The following TMEM132D variants were observed in gnomAD, a reference collection of about 807,000 sequenced individuals.
TMEM132D encodes the protein mature OL transmembrane protein.
Under a neutral mutation model 62.3 loss-of-function variants are expected in TMEM132D, and 21 were observed. The observed-to-expected ratio is 0.34, with a 90% CI of 0.24 to 0.49. The LOEUF (loss-of-function observed/expected upper bound fraction) is 0.49, where lower values mean the gene tolerates loss of function less well. Ranked by LOEUF, TMEM132D falls within the 20% of genes least tolerant of loss-of-function variation. The pLI is 0.99. For synonymous variants in TMEM132D, 621 were observed against 575.6 expected, an observed-to-expected ratio of 1.08 and a Z score of -1.13; for missense variants, 1,346 against 1,402.8, an observed-to-expected ratio of 0.96 and a Z score of 0.65.
At chr12:129,638,417 C>T (rs1355736242) in intron 2 of TMEM132D, among the ~76,000 whole-genome samples, 1 of 151,146 alleles carries the variant, frequency 6.6e-6, no homozygotes, top group Non-Finnish European at 1.5e-5. Flanking sequence ...AGTAATAAGC[C>T]ACAAATGGCA....
chr12:129,078,854 G>A (rs1016380878), intron 7 of TMEM132D, 129 bp from the exon 8 acceptor site: 57 of 877,996 alleles, frequency 6.5e-5, no homozygotes, highest in Non-Finnish European at 8.8e-5. Flanking sequence ...ATGAGAACAG[G>A]CCTTTCCCAC....
rs1320358852 is a variant in TMEM132D, at chr12:129,827,910, TG to T, written c.79+75350del. ...TAAAACCATAATCTTCCTAAAGAAA[TG>T]GGCCACATGTTTGTTTATATTAATG... On this transcript the variant is annotated intron_variant, in intron 1 of 8. Transcript: ENST00000422113. This position sits in a 1 kb window ranked among gnomAD's most constrained non-coding sequence, Gnocchi z 9.7. Among the ~76,000 whole-genome samples the T allele has an allele frequency of 6.6e-6, 1 of 152,172 alleles. No homozygotes were observed. Among genetic ancestry groups the T allele is most frequent in the Non-Finnish European group, 1.5e-5 (1 of 68,032 alleles).
intron 1 of TMEM132D, among the ~76,000 whole-genome samples, chr12:129,716,648 A>G (rs956774253): frequency 6.6e-6 from 1 of 152,158 alleles, no homozygotes; most frequent in East Asian, 1.9e-4. Flanking sequence ...TGTATGGCAA[A>G]GGGGACTTTG....
At chr12:129,831,143 A>AC (rs1872815483) in intron 1 of TMEM132D, among the ~76,000 whole-genome samples, 1 of 151,862 alleles carries the variant, frequency 6.6e-6, no homozygotes, top group Non-Finnish European at 1.5e-5. Flanking sequence ...TGGGTCACAT[A>AC]CCCTCCTCTG....
intron 5 of TMEM132D, among the ~76,000 whole-genome samples, chr12:129,174,815 T>A (rs1398534365): frequency 6.6e-6 from 1 of 152,248 alleles, no homozygotes; most frequent in Non-Finnish European, 1.5e-5. Context: ...GAATTGCATT[T>A]CTCTAATGAT....
intron 3 of TMEM132D, among the ~76,000 whole-genome samples, chr12:129,510,735 C>T (rs1425362583): frequency 2.6e-5 from 4 of 152,106 alleles, no homozygotes. Flanking sequence ...AGTCTTCTCC[C>T]TGTAGTTGTA....
intron 1 of TMEM132D, among the ~76,000 whole-genome samples, chr12:129,895,972 T>A (rs58356290): frequency 0.055 from 8,242 of 149,690 alleles, 286 homozygotes; most frequent in Middle Eastern, 0.096. Context: ...TCTTTTTTTT[T>A]TTTTTTTTTT....
chr12:129,319,639 A>G (rs955079400), intron 4 of TMEM132D, among the ~76,000 whole-genome samples: 10 of 152,218 alleles, frequency 6.6e-5, no homozygotes, highest in African/African-American at 2.4e-4. Context: ...GACTGTTCAG[A>G]GCAGTCCAGT....
intron 3 of TMEM132D, among the ~76,000 whole-genome samples, chr12:129,388,254 G>T (rs1236319726): frequency 1.2e-5 from 1 of 83,054 alleles, no homozygotes; most frequent in South Asian, 3.4e-4. Flanking sequence ...CACTAACACC[G>T]ACACCAATAC....
intron 5 of TMEM132D, among the ~76,000 whole-genome samples, chr12:129,142,075 T>C (rs1216573494): frequency 6.6e-6 from 1 of 150,910 alleles, no homozygotes; most frequent in African/African-American, 2.4e-5. Context: ...TCAAAACAAG[T>C]ACCCATTTGA....
At chr12:129,761,626 C>A (rs1295193170) in intron 1 of TMEM132D, among the ~76,000 whole-genome samples, 2 of 152,350 alleles carry the variant, frequency 1.3e-5, no homozygotes, top group East Asian at 1.9e-4. Flanking sequence ...CGGTTCTCCG[C>A]GGTTGGCCAC....
chr12:129,647,318 T>C (rs1307719723), intron 2 of TMEM132D, among the ~76,000 whole-genome samples: 2 of 151,002 alleles, frequency 1.3e-5, no homozygotes, highest in Non-Finnish European at 2.9e-5. Context: ...TCACATATAT[T>C]GCTGTATTGT....
chr12:129,250,591 T>C (rs1880239780), intron 4 of TMEM132D, among the ~76,000 whole-genome samples: 1 of 152,202 alleles, frequency 6.6e-6, no homozygotes, highest in South Asian at 2.1e-4. Flanking sequence ...TCAACTGTCC[T>C]TCCTCTTAGA....
Position 129,118,850 on chromosome 12 carries a change from G to C in TMEM132D, c.1444-34148C>G, listed in dbSNP as rs546647242. On this transcript the variant is annotated intron_variant, in intron 5 of 8. Transcript: ENST00000422113. ...AGAGGGCATCTCTCAGGCCCTGGAG[G>C]GAAGAACTTCAAGGAAAGCACAGCG... 2.0e-5 allele frequency among the ~76,000 whole-genome samples: 3 copies of C among 152,290 alleles called. No homozygotes were observed. In the East Asian group the frequency reaches 5.8e-4, roughly 29 times the overall value.
chr12:129,226,751 G>T (rs978228268), intron 4 of TMEM132D, among the ~76,000 whole-genome samples: 2 of 152,148 alleles, frequency 1.3e-5, no homozygotes, highest in African/African-American at 2.4e-5. Context: ...AAACACATTT[G>T]CAGGGTGCAC....
intron 3 of TMEM132D, among the ~76,000 whole-genome samples, chr12:129,396,819 G>A (rs1402011875): frequency 6.6e-6 from 1 of 151,982 alleles, no homozygotes; most frequent in African/African-American, 2.4e-5. Flanking sequence ...ATGTCCAAAA[G>A]CAAATACAAA....
chr12:129,681,813 G>A (rs1346913511), intron 2 of TMEM132D, among the ~76,000 whole-genome samples: 4 of 152,200 alleles, frequency 2.6e-5, no homozygotes, highest in East Asian at 1.9e-4. Flanking sequence ...CCTTGAGTGG[G>A]AGGGGACTCT....
At chr12:129,227,773 G>A (rs1288604247) in intron 4 of TMEM132D, among the ~76,000 whole-genome samples, 2 of 151,666 alleles carry the variant, frequency 1.3e-5, no homozygotes, top group African/African-American at 4.8e-5. Flanking sequence ...AACAGGCCCT[G>A]GTGTGTAATG....
At chr12:129,467,579 G>C (rs1183773128) in intron 3 of TMEM132D, among the ~76,000 whole-genome samples, 3 of 152,196 alleles carry the variant, frequency 2.0e-5, no homozygotes, top group South Asian at 2.1e-4. Flanking sequence ...GATTAAAAGG[G>C]AGGAGGCTCC....
Sources: allele counts gnomAD v4.1 joint callset (sites outside exome capture counted in the v4.1 genomes callset), GRCh38; gene constraint gnomAD v4.1.1; non-coding constraint Gnocchi (gnomAD v3.1); transcripts MANE v1.5; gene names NCBI Gene and HGNC (gene_info 2026-07-23, HGNC 2026-07-21).